POU6F2: variants seen among roughly 807,000 people sequenced by gnomAD.
POU6F2 encodes POU class 6 homeobox 2, also known as POU domain, class 6, transcription factor 2.
Under a neutral mutation model 71.3 loss-of-function variants are expected in POU6F2, and 31 were observed. The observed-to-expected ratio is 0.43, with a 90% CI of 0.33 to 0.59. POU6F2 has a LOEUF of 0.59. Among genes scored for constraint, POU6F2 ranks in the 20% least tolerant of loss-of-function variants. POU6F2 has a pLI of 0.04. For synonymous variants in POU6F2, 347 were observed against 355.7 expected (o/e 0.98, Z 0.27); for missense variants, 783 against 856.8 (o/e 0.91, Z 1.07).
intron 4 of POU6F2, among the ~76,000 whole-genome samples, chr7:39,327,018 A>G (rs1785514619): frequency 6.6e-6 from 1 of 152,112 alleles, no homozygotes; most frequent in Non-Finnish European, 1.5e-5. Flanking sequence ...GGAGGCTCAC[A>G]CCTATAATCC....
intron 6 of POU6F2, among the ~76,000 whole-genome samples, chr7:39,420,379 A>G (rs1787825552): frequency 6.6e-6 from 1 of 152,220 alleles, no homozygotes. Context: ...GACTCTGAGA[A>G]TTCATTTTGA....
intron 1 of POU6F2, among the ~76,000 whole-genome samples, chr7:39,032,956 A>G (rs1033243321): frequency 6.6e-6 from 1 of 152,178 alleles, no homozygotes; most frequent in African/African-American, 2.4e-5. Flanking sequence ...CCTAGCTGTG[A>G]AACAAATGGC....
intron 6 of POU6F2, among the ~76,000 whole-genome samples, chr7:39,417,475 C>G (rs1189386531): frequency 6.6e-6 from 1 of 152,158 alleles, no homozygotes; most frequent in Non-Finnish European, 1.5e-5. Flanking sequence ...TGCCATTTGT[C>G]TCATCAACTA....
rs781779338 is a variant in POU6F2 at position 39,458,259 on chromosome 7, G to A, written c.1490-2288G>A. ...GGAGCTGAAGGAGCAGCCAGAATCAGTTCCAGCCCACTGGACATTACCAAG... is the reference window on the plus strand; with the variant it reads ...GGAGCTGAAGGAGCAGCCAGAATCAATTCCAGCCCACTGGACATTACCAAG... On this transcript the variant is annotated intron_variant, in intron 8 of 9. Transcript: ENST00000518318. Among the ~76,000 whole-genome samples the A allele has an allele frequency of 1.2e-4, 19 of 152,162 alleles. 1 individual carries two copies. The highest frequency in any genetic ancestry group is 1.2e-4 in the Non-Finnish European group (8 of 68,044).
intron 4 of POU6F2, among the ~76,000 whole-genome samples, chr7:39,325,440 G>T (rs62455931): frequency 0.12 from 18,132 of 152,226 alleles, 1,308 homozygotes; most frequent in Admixed American, 0.18. Context: ...TGTTTAGGAA[G>T]TTTAAAGTTC....
chr7:39,276,977 C>G (rs923140433), intron 4 of POU6F2, among the ~76,000 whole-genome samples: 6 of 151,834 alleles, frequency 4.0e-5, no homozygotes, highest in Non-Finnish European at 7.4e-5. Flanking sequence ...GGGTGCAGCA[C>G]ACCAGCATGG....
chr7:39,030,499 A>ACT (rs1491215414), intron 1 of POU6F2, among the ~76,000 whole-genome samples: 3 of 39,592 alleles, frequency 7.6e-5, no homozygotes, highest in Non-Finnish European at 1.7e-4. Context: ...TTCAAAAAAT[A>ACT]CTATATATAT....
chr7:39,447,109 A>G (rs1456531307), intron 7 of POU6F2, among the ~76,000 whole-genome samples: 1 of 152,182 alleles, frequency 6.6e-6, no homozygotes, highest in Non-Finnish European at 1.5e-5. Context: ...AAATCATAAC[A>G]TTATTTTTGG....
intron 2 of POU6F2, among the ~76,000 whole-genome samples, chr7:39,151,106 T>C (rs964359703): frequency 1.3e-5 from 2 of 152,148 alleles, no homozygotes; most frequent in Non-Finnish European, 2.9e-5. Context: ...CCCTCCAAGT[T>C]TTCATCGTGA....
At chr7:39,030,543 T>TATGTATGTATAC (rs1491146903) in intron 1 of POU6F2, among the ~76,000 whole-genome samples, 2 of 88,018 alleles carry the variant, frequency 2.3e-5, no homozygotes, top group Middle Eastern at 5.3e-3. Context: ...TATATATATA[T>TATGTATGTATAC]ACACACACAT....
intron 1 of POU6F2, among the ~76,000 whole-genome samples, chr7:39,042,356 A>G (rs1280168181): frequency 6.6e-6 from 1 of 151,964 alleles, no homozygotes; most frequent in African/African-American, 2.4e-5. Flanking sequence ...CCACTGAATG[A>G]GTTCTGGCCA....
At chr7:39,130,143 G>T (rs1792236500) in intron 2 of POU6F2, among the ~76,000 whole-genome samples, 2 of 88,220 alleles carry the variant, frequency 2.3e-5, no homozygotes, top group South Asian at 1.0e-3. Flanking sequence ...TAAAGAAAGG[G>T]GTAGGTGTGT....
At position 39,451,771 on chromosome 7, in the gene POU6F2, C is replaced by T. The variant is rs999141108; in HGVS notation, c.1489+70C>T. 2.1e-6 allele frequency: 3 copies of T among 1,459,422 alleles called. No individual in the cohort carries two copies. In the African/African-American group the frequency reaches 4.2e-5, roughly 21 times the overall value. 90.4% of individuals were successfully genotyped at this position (1,459,422 alleles called of 1,614,324 possible). ...GTTGCCTATTTGCAATGTCTTCCTT[C>T]TTGTCTCTCTCTCACTCTCTCTTGC... On this transcript the variant is annotated intron_variant, in intron 8 of 9. Coordinates refer to ENST00000518318, the MANE Select transcript of POU6F2 (RefSeq NM_001370959.1).
At chr7:39,435,196 G>A (rs1788211087) in intron 7 of POU6F2, among the ~76,000 whole-genome samples, 1 of 152,178 alleles carries the variant, frequency 6.6e-6, no homozygotes, top group African/African-American at 2.4e-5. Context: ...CTAGATCCTT[G>A]AGGAATTGCC....
Position 39,372,451 on chromosome 7 carries a change from A to C in POU6F2, c.972+32436A>C, listed in dbSNP as rs113728405. On this transcript the variant is annotated intron_variant, in intron 5 of 9. Coordinates refer to ENST00000518318, the MANE Select transcript of POU6F2 (RefSeq NM_001370959.1). The stretch of plus-strand genomic sequence containing the variant: ...CCTTATAATGGAGGCTCTCAAGTCC[A>C]AAATCTGCAGAGCTGATATACCAGA... Among the ~76,000 whole-genome samples the C allele has an allele frequency of 1.8e-3, 267 of 152,324 alleles. 2 individuals carry two copies. Among genetic ancestry groups the C allele is most frequent in the African/African-American group, 6.1e-3 (254 of 41,570 alleles).
At chr7:39,241,288 C>T (rs1319807306) in intron 4 of POU6F2, among the ~76,000 whole-genome samples, 1 of 152,030 alleles carries the variant, frequency 6.6e-6, no homozygotes, top group African/African-American at 2.4e-5. Flanking sequence ...AGAGTGATTG[C>T]TCCAGAATTA....
chr7:39,001,003 A>G (rs1197302887), intron 1 of POU6F2, among the ~76,000 whole-genome samples: 1 of 152,210 alleles, frequency 6.6e-6, no homozygotes, highest in Non-Finnish European at 1.5e-5. Context: ...TCATGGCATT[A>G]CAGTATATTA....
intron 5 of POU6F2, among the ~76,000 whole-genome samples, chr7:39,372,520 G>C (rs1049514258): frequency 6.6e-6 from 1 of 152,196 alleles, no homozygotes; most frequent in African/African-American, 2.4e-5. Context: ...CTCTGGCTAG[G>C]GGGAAGGTCA....
At chr7:39,407,640 CA>C (rs2115900988) in intron 6 of POU6F2, among the ~76,000 whole-genome samples, 1 of 152,058 alleles carries the variant, frequency 6.6e-6, no homozygotes, top group East Asian at 1.9e-4. Flanking sequence ...CTTTTCCCCC[CA>C]GCCTTATCTA....
Sources: allele counts gnomAD v4.1 joint callset (sites outside exome capture counted in the v4.1 genomes callset), GRCh38; gene constraint gnomAD v4.1.1; transcripts MANE v1.5; gene names NCBI Gene and HGNC (gene_info 2026-07-23, HGNC 2026-07-21).